The following CSMD1 variants were observed in gnomAD, a reference collection of about 807,000 sequenced individuals.
CSMD1 encodes the protein CUB and sushi domain-containing protein 1.
In CSMD1, 213 loss-of-function variants were observed where a neutral mutation model predicts 417.5. That is an observed-to-expected ratio of 0.51 (90% CI 0.46 to 0.57). The LOEUF (loss-of-function observed/expected upper bound fraction) is 0.57, where lower values mean the gene tolerates loss of function less well. Ranked by LOEUF, CSMD1 falls within the 20% of genes least tolerant of loss-of-function variation. CSMD1 has a pLI of 0.00. For synonymous variants in CSMD1, 2,862 were observed against 1,736.8 expected, an observed-to-expected ratio of 1.65 and a Z score of -16.11; for missense variants, 6,923 against 4,529.7, an observed-to-expected ratio of 1.53 and a Z score of -15.17.
In CSMD1 at chr8:3,751,283, T is replaced by G. The variant is rs575244480; in HGVS notation, c.931+2647A>C. Among the ~76,000 whole-genome samples, 8 of 144,902 alleles carry G rather than the reference T, an allele frequency of 5.5e-5. No individual in the cohort carries two copies. The East Asian group carries it at 1.6e-3, about 30-fold the overall frequency. Reference sequence around the variant, plus strand: ...TGCCAAATTTTTGACTCCTCTCTCCTTATATATACAATTGAAGTGTGTGTG... The same window carrying G: ...TGCCAAATTTTTGACTCCTCTCTCCGTATATATACAATTGAAGTGTGTGTG... On this transcript the variant is annotated intron_variant, in intron 6 of 69. Transcript: ENST00000635120.
chr8:3,684,302 ATAT>A (rs1799826413), intron 7 of CSMD1, among the ~76,000 whole-genome samples: 1 of 144,990 alleles, frequency 6.9e-6, no homozygotes, highest in East Asian at 2.0e-4. Flanking sequence ...TATAAATTAT[ATAT>A]TATATAAAAT....
chr8:4,217,030 T>C (rs1350955311), intron 3 of CSMD1, among the ~76,000 whole-genome samples: 2 of 152,210 alleles, frequency 1.3e-5, no homozygotes, highest in East Asian at 1.9e-4. Context: ...AAAGGATAAG[T>C]CTTTGATGCT....
At chr8:3,525,180 G>C (rs889625507) in intron 10 of CSMD1, among the ~76,000 whole-genome samples, 44 of 152,146 alleles carry the variant, frequency 2.9e-4, no homozygotes, top group African/African-American at 1.0e-3. Flanking sequence ...TCTGTGTTCT[G>C]TGTGAGACTC....
At chr8:3,294,040 T>TAACA (rs1803776728) in intron 25 of CSMD1, among the ~76,000 whole-genome samples, 2 of 152,296 alleles carry the variant, frequency 1.3e-5, no homozygotes, top group Middle Eastern at 6.8e-3. Flanking sequence ...GTTTTCCTTC[T>TAACA]AACAGTCAGG....
chr8:3,639,677 G>A (rs1316151494), intron 7 of CSMD1, among the ~76,000 whole-genome samples: 1 of 152,168 alleles, frequency 6.6e-6, no homozygotes, highest in East Asian at 1.9e-4. Flanking sequence ...AATGATGTAT[G>A]TAAACCCTAA....
rs895703863 is a variant in CSMD1 at position 4,313,897 on chromosome 8, C to T, written c.415+106056G>A. Among the ~76,000 whole-genome samples, 3 of 151,986 alleles carry T rather than the reference C, an allele frequency of 2.0e-5. No homozygotes were observed. In the East Asian group the frequency reaches 5.8e-4, roughly 29 times the overall value. On this transcript the variant is annotated intron_variant, in intron 3 of 69. Coordinates refer to ENST00000635120, the MANE Select transcript of CSMD1 (RefSeq NM_033225.6). ...GGCATGGTGGTGCACACCTGTAATC[C>T]CAGCTACTTGGGAGGCTGAGTCAGG... is the stretch of plus-strand genomic sequence containing the variant.
chr8:4,374,383 A>C (rs558864564), intron 3 of CSMD1, among the ~76,000 whole-genome samples: 3 of 152,194 alleles, frequency 2.0e-5, no homozygotes, highest in Non-Finnish European at 4.4e-5. Flanking sequence ...ATCAGTAATA[A>C]TAAAAAGAAA....
intron 3 of CSMD1, among the ~76,000 whole-genome samples, chr8:4,149,023 G>C (rs1326697727): frequency 2.0e-5 from 3 of 151,512 alleles, no homozygotes; most frequent in Non-Finnish European, 4.4e-5. Context: ...GAGTGCAGTG[G>C]CACAATCTTT....
intron 41 of CSMD1, among the ~76,000 whole-genome samples, chr8:3,141,764 A>G (rs887413084): frequency 1.3e-5 from 2 of 150,342 alleles, no homozygotes; most frequent in Non-Finnish European, 1.5e-5. Context: ...ACCAATGAGC[A>G]CTACCGGCTT....
At chr8:3,502,746 G>C (rs553279207) in intron 10 of CSMD1, among the ~76,000 whole-genome samples, 1 of 152,282 alleles carries the variant, frequency 6.6e-6, no homozygotes, top group East Asian at 1.9e-4. Flanking sequence ...AGGATTTTTA[G>C]GACAGTGAAA....
intron 10 of CSMD1, among the ~76,000 whole-genome samples, chr8:3,509,619 A>C (rs868607422): frequency 1.9e-4 from 29 of 152,222 alleles, no homozygotes; most frequent in African/African-American, 6.8e-4. Context: ...TAACAGATCT[A>C]ATCTGGGAAA....
At chr8:4,761,005 G>A (rs1812005096) in intron 1 of CSMD1, among the ~76,000 whole-genome samples, 1 of 152,022 alleles carries the variant, frequency 6.6e-6, no homozygotes, top group South Asian at 2.1e-4. Flanking sequence ...TTATCATTGT[G>A]AGTAGCAGTT....
chr8:3,076,062 A>G (rs1813659011), intron 49 of CSMD1, among the ~76,000 whole-genome samples: 1 of 151,766 alleles, frequency 6.6e-6, no homozygotes, highest in Non-Finnish European at 1.5e-5. Flanking sequence ...AAAAAAAGAA[A>G]AAAAAAAAAA....
At chr8:3,441,056 A>G (rs1466276304) in intron 12 of CSMD1, among the ~76,000 whole-genome samples, 1 of 152,166 alleles carries the variant, frequency 6.6e-6, no homozygotes, top group African/African-American at 2.4e-5. Flanking sequence ...CTTTGTATGA[A>G]ACACATAGAG....
At chr8:3,189,068 G>T in intron 34 of CSMD1, 57 bp from the exon 35 acceptor site, 1 of 1,508,330 alleles carries the variant, frequency 6.6e-7, no homozygotes, top group Non-Finnish European at 9.0e-7. Flanking sequence ...TGTTGATTTG[G>T]CATGCAGTTT....
rs751758149 is a variant in CSMD1 at position 4,726,900 on chromosome 8, C to A, written c.86-89342G>T. Among the ~76,000 whole-genome samples the A allele has an allele frequency of 5.9e-5, 9 of 151,936 alleles. 1 individual carries two copies. Among genetic ancestry groups the A allele is most frequent in the Admixed American group, 1.3e-4 (2 of 15,260 alleles). Reference sequence around the variant, plus strand: ...AAAACATTATTAGAAATATGAAGAGCTGAAAAAATAGCTTTTTATGAATTT... The same window carrying A: ...AAAACATTATTAGAAATATGAAGAGATGAAAAAATAGCTTTTTATGAATTT... On this transcript the variant is annotated intron_variant, in intron 1 of 69. Coordinates refer to ENST00000635120, the MANE Select transcript of CSMD1 (RefSeq NM_033225.6).
intron 1 of CSMD1, among the ~76,000 whole-genome samples, chr8:4,958,801 G>C (rs996854425): frequency 6.6e-6 from 1 of 152,228 alleles, no homozygotes; most frequent in Non-Finnish European, 1.5e-5. Flanking sequence ...CTTTCATGAA[G>C]AAAATATATC....
At position 4,167,360 on chromosome 8, in the gene CSMD1, C is replaced by CA. The variant is rs1797513665; in HGVS notation, c.416-135262dup. Among the ~76,000 whole-genome samples the CA allele has an allele frequency of 2.0e-5, 3 of 152,232 alleles. No individual in the cohort carries two copies. The South Asian group carries it at 6.2e-4, about 32-fold the overall frequency. On this transcript the variant is annotated intron_variant, in intron 3 of 69. Coordinates refer to ENST00000635120, the MANE Select transcript of CSMD1 (RefSeq NM_033225.6). ...AGACTTTGTGAAGGGTGCCTGGTGACACTTCAATTTAAATAACAAACTATG... is the reference window on the plus strand; with the variant it reads ...AGACTTTGTGAAGGGTGCCTGGTGACAACTTCAATTTAAATAACAAACTATG...
rs550436702 is a variant in CSMD1, at chr8:4,956,578, A to T, written c.85+37754T>A. 4.6e-5 allele frequency among the ~76,000 whole-genome samples: 7 copies of T among 150,596 alleles called. No individual in the cohort carries two copies. The East Asian group carries it at 1.4e-3, about 29-fold the overall frequency. On this transcript the variant is annotated intron_variant, in intron 1 of 69. Coordinates refer to ENST00000635120, the MANE Select transcript of CSMD1 (RefSeq NM_033225.6). ...ATAACATATAATATATTTAAAATAC[A>T]TGTGTATATCATCATAACAGATATT... is the stretch of plus-strand genomic sequence containing the variant.
Sources: gnomAD v4.1 joint callset for allele counts (sites outside exome capture counted in the v4.1 genomes callset) on GRCh38, gnomAD v4.1.1 for gene constraint, MANE v1.5 for transcripts, NCBI Gene and HGNC (gene_info 2026-07-23, HGNC 2026-07-21) for gene names.